ADARB2: variants seen among roughly 807,000 people sequenced by gnomAD.
ADARB2 encodes adenosine deaminase RNA specific B2 (inactive).
ADARB2 carries 25 observed loss-of-function variants against 62.2 expected under a neutral mutation model. That is an observed-to-expected ratio of 0.40 (90% CI 0.29 to 0.56). The LOEUF (loss-of-function observed/expected upper bound fraction) is 0.56. Among genes scored for constraint, ADARB2 ranks in the 20% least tolerant of loss-of-function variants. The pLI is 0.43. For missense variants in ADARB2, 1,071 were observed against 1,077.4 expected, an observed-to-expected ratio of 0.99 and a Z score of 0.08; for synonymous variants, 572 against 500.8, an observed-to-expected ratio of 1.14 and a Z score of -1.90.
At position 1,307,936 on chromosome 10, in the gene ADARB2, G is replaced by C. The variant is rs563653234; in HGVS notation, c.1078-36867C>G. Among the ~76,000 whole-genome samples, 562 of 111,014 alleles carry C rather than the reference G, an allele frequency of 5.1e-3. 1 individual carries two copies. The highest frequency in any genetic ancestry group is 0.041 in the Middle Eastern group (9 of 218). The allele number at this position is 111,014 out of a possible 152,430, so 72.8% of individuals were successfully genotyped here. ...CACACTCTGGGGACTGTCGTGGGGTGGGGGGAGGGGGGAGGGATAGCATTG... is the reference window on the plus strand; with the variant it reads ...CACACTCTGGGGACTGTCGTGGGGTCGGGGGAGGGGGGAGGGATAGCATTG... On this transcript the variant is annotated intron_variant, in intron 3 of 9. Transcript: ENST00000381312.
At chr10:1,240,517 C>G (rs1449759916) in intron 5 of ADARB2, 2 of 152,552 alleles carry the variant, frequency 1.3e-5, no homozygotes, top group African/African-American at 4.8e-5. Flanking sequence ...ATCCAGCAGT[C>G]TTCCTGCCTC....
chr10:1,350,765 G>T (rs141650976), intron 3 of ADARB2, among the ~76,000 whole-genome samples: 5 of 152,006 alleles, frequency 3.3e-5, no homozygotes, highest in Middle Eastern at 3.4e-3. Context: ...TACCCAATCC[G>T]CTCCCGACAT....
At chr10:1,603,790 A>G (rs1833461293) in intron 1 of ADARB2, among the ~76,000 whole-genome samples, 1 of 151,786 alleles carries the variant, frequency 6.6e-6, no homozygotes, top group African/African-American at 2.4e-5. Flanking sequence ...ATTAATATAC[A>G]GTCATATATA....
At chr10:1,193,258 T>A (rs1836866789) in intron 8 of ADARB2, among the ~76,000 whole-genome samples, 1 of 150,878 alleles carries the variant, frequency 6.6e-6, no homozygotes, top group Admixed American at 6.6e-5. Flanking sequence ...CACCGAGGAG[T>A]CGGGAGGATG....
chr10:1,733,181 G>A (rs940405715), intron 1 of ADARB2, among the ~76,000 whole-genome samples: 2 of 152,190 alleles, frequency 1.3e-5, no homozygotes, highest in Non-Finnish European at 2.9e-5. Context: ...TCCACTCTGT[G>A]AAGATTGACA....
At chr10:1,566,960 C>A (rs1443914719) in intron 1 of ADARB2, among the ~76,000 whole-genome samples, 2 of 152,022 alleles carry the variant, frequency 1.3e-5, no homozygotes, top group East Asian at 1.9e-4. Flanking sequence ...ATACAACACA[C>A]CTGTCAGGAA....
intron 3 of ADARB2, among the ~76,000 whole-genome samples, chr10:1,288,018 G>A (rs889193925): frequency 2.0e-5 from 3 of 152,160 alleles, no homozygotes; most frequent in African/African-American, 7.2e-5. Flanking sequence ...TGCATGGTGG[G>A]CCCCCACCCC....
chr10:1,224,631 G>C (rs1007771822), intron 6 of ADARB2, among the ~76,000 whole-genome samples: 7 of 152,066 alleles, frequency 4.6e-5, no homozygotes, highest in African/African-American at 1.7e-4. Flanking sequence ...TTGTGTCTTT[G>C]TTCTTATTGG....
intron 1 of ADARB2, among the ~76,000 whole-genome samples, chr10:1,480,833 T>A (rs925681620): frequency 2.6e-5 from 4 of 152,056 alleles, no homozygotes; most frequent in Admixed American, 1.3e-4. Context: ...AAGACATAAA[T>A]AAATGGAAAG....
At chr10:1,637,497 CT>C (rs1412862272) in intron 1 of ADARB2, among the ~76,000 whole-genome samples, 1 of 152,166 alleles carries the variant, frequency 6.6e-6, no homozygotes, top group Non-Finnish European at 1.5e-5. Context: ...AATGATTACC[CT>C]CAATGCAGAA....
intron 1 of ADARB2, among the ~76,000 whole-genome samples, chr10:1,601,931 A>T (rs553980923): frequency 2.0e-5 from 3 of 152,298 alleles, no homozygotes; most frequent in East Asian, 3.9e-4. Flanking sequence ...GAAACCCAGG[A>T]CTCAGCAGAA....
chr10:1,368,079 C>G (rs566082429), intron 2 of ADARB2, among the ~76,000 whole-genome samples: 1 of 152,098 alleles, frequency 6.6e-6, no homozygotes, highest in Non-Finnish European at 1.5e-5. Context: ...ATTTCCCTGA[C>G]GTGGGAGCCC....
chr10:1,363,447 G>A lies in ADARB2; in HGVS notation c.658C>T (p.Pro220Ser), dbSNP rs1284140008. ...TDFTSDQADF[P>S]DTLFQEFEPP... ...TCGAACTCCTGGAAGAGCGTGTCGG[G>A]GAAATCGGCCTGGTCGGAGGTGAAG... The change falls in exon 3 of 10, where the codon CCC becomes TCC. Residue 220 changes from proline (P) to serine (S), a missense_variant. Pro to Ser is a moderately conservative substitution (Grantham distance 74, BLOSUM62 -1). Coordinates refer to ENST00000381312, the MANE Select transcript of ADARB2 (RefSeq NM_018702.4). 5.6e-6 allele frequency: 8 copies of A among 1,420,156 alleles called. No homozygotes were observed. In the African/African-American group the frequency reaches 6.0e-5, roughly 11 times the overall value. 88.0% of individuals were successfully genotyped at this position (1,420,156 alleles called of 1,614,324 possible). A position where few individuals can be genotyped will look rare whatever the true frequency, so the allele number is the denominator to read the frequency against.
intron 1 of ADARB2, among the ~76,000 whole-genome samples, chr10:1,702,021 A>G (rs193274895): frequency 1.1e-4 from 17 of 152,392 alleles, no homozygotes; most frequent in Admixed American, 5.9e-4. Context: ...ACAAAGAGAA[A>G]GAAGTGGGAG....
At chr10:1,465,126 G>T (rs1171372415) in intron 1 of ADARB2, among the ~76,000 whole-genome samples, 1 of 152,216 alleles carries the variant, frequency 6.6e-6, no homozygotes, top group African/African-American at 2.4e-5. Flanking sequence ...GACAGGCACG[G>T]GCTCAGGCGA....
At chr10:1,650,432 G>C (rs950272223) in intron 1 of ADARB2, among the ~76,000 whole-genome samples, 2 of 152,162 alleles carry the variant, frequency 1.3e-5, no homozygotes, top group Admixed American at 6.5e-5. Context: ...GATACTGAAG[G>C]GGGTGGAGAA....
At chr10:1,202,569 C>G (rs78201623) in intron 7 of ADARB2, among the ~76,000 whole-genome samples, 1 of 152,158 alleles carries the variant, frequency 6.6e-6, no homozygotes, top group Non-Finnish European at 1.5e-5. Flanking sequence ...GGAGGAAATT[C>G]AGCAGTGTGG....
At chr10:1,276,040 TCA>T (rs1180158873) in intron 3 of ADARB2, among the ~76,000 whole-genome samples, 1 of 152,150 alleles carries the variant, frequency 6.6e-6, no homozygotes, top group African/African-American at 2.4e-5. Flanking sequence ...GATGGCTAGG[TCA>T]AATGGTATTT....
At chr10:1,370,291 A>T (rs1832357214) in intron 2 of ADARB2, among the ~76,000 whole-genome samples, 2 of 152,224 alleles carry the variant, frequency 1.3e-5, no homozygotes, top group Non-Finnish European at 2.9e-5. Flanking sequence ...TAGGCATTGT[A>T]GACACATACC....
Sources: allele counts gnomAD v4.1 joint callset (sites outside exome capture counted in the v4.1 genomes callset), GRCh38; gene constraint gnomAD v4.1.1; transcripts MANE v1.5; gene names NCBI Gene and HGNC (gene_info 2026-07-23, HGNC 2026-07-21).